DRC1: variants seen among roughly 807,000 people sequenced by gnomAD.
DRC1 encodes dynein regulatory complex protein 1.
Under a neutral mutation model 98.7 loss-of-function variants are expected in DRC1, and 74 were observed. The ratio of observed to expected loss-of-function variants is 0.75; its 90% confidence interval spans 0.62 to 0.91. The LOEUF is 0.91. Among genes scored for constraint, DRC1 ranks in the 40% least tolerant of loss-of-function variants. DRC1 has a pLI of 0.00. For synonymous variants in DRC1, 336 were observed against 334.1 expected (o/e 1.01, Z -0.06); for missense variants, 875 against 886.0 (o/e 0.99, Z 0.16).
Position 26,439,934 on chromosome 2 carries a change from T to TATATATATATAC in DRC1, c.889-441_889-440insTATATATACATA, listed in dbSNP as rs1017038187. The stretch of plus-strand genomic sequence containing the variant: ...CAACTAGTGTGTGAATATATATATA[T>TATATATATATAC]ATACACACACACATACACACACACA... On this transcript the variant is annotated intron_variant, in intron 7 of 16. Coordinates refer to ENST00000288710, the MANE Select transcript of DRC1 (RefSeq NM_145038.5). 5.8e-4 allele frequency among the ~76,000 whole-genome samples: 65 copies of TATATATATATAC among 111,686 alleles called. 5 individuals carry two copies. The highest frequency in any genetic ancestry group is 2.6e-3 in the African/African-American group (64 of 24,480). 73.3% of individuals were successfully genotyped at this position (111,686 alleles called of 152,430 possible).
Position 26,455,185 on chromosome 2 carries a change from G to T in DRC1, c.2118G>T (p.Gln706His), listed in dbSNP as rs367749302. The T allele has an allele frequency of 6.2e-7, 1 of 1,613,994 alleles. No homozygotes were observed. Among genetic ancestry groups the T allele is most frequent in the Non-Finnish European group, 8.5e-7 (1 of 1,180,050 alleles). ...TGCTGGAAAACAGTTCTCTGGAGCA[G>T]CAGAACACAGAGCTGCAGGCGCTAC... is the stretch of plus-strand genomic sequence containing the variant. Reference protein sequence around the residue: ...KLLLENSSLEQQNTELQALLQ... With the variant: ...KLLLENSSLEHQNTELQALLQ... The change falls in exon 16 of 17, where the codon CAG becomes CAT. Residue 706 changes from glutamine (Q) to histidine (H), a missense_variant. Physicochemically the swap from Gln to His is conservative, Grantham distance 24. Coordinates refer to ENST00000288710, the MANE Select transcript of DRC1 (RefSeq NM_145038.5).
intron 4 of DRC1, 24 bp downstream of exon 4, chr2:26,424,478 C>G: frequency 1.3e-6 from 2 of 1,589,420 alleles, no homozygotes; most frequent in African/African-American, 1.3e-5. Context: ...GCCCTCCAGC[C>G]CAGCCACAGG....
chr2:26,418,591 ATAAT>A (rs1265272294), intron 2 of DRC1, among the ~76,000 whole-genome samples: 1 of 102,826 alleles, frequency 9.7e-6, no homozygotes, highest in African/African-American at 4.6e-5. Flanking sequence ...TAAATTATAT[ATAAT>A]TTATATAATA....
intron 10 of DRC1, among the ~76,000 whole-genome samples, chr2:26,447,215 C>A (rs553408619): frequency 2.0e-5 from 3 of 152,106 alleles, no homozygotes; most frequent in Non-Finnish European, 4.4e-5. Context: ...GAGTTTGAGA[C>A]CAGCCTGACC....
rs141191674 is a variant in DRC1 at position 26,455,143 on chromosome 2, C to T, written c.2076C>T (p.Thr692=). ...TALEKYHLVL[T]QRAKLLLENS... is the part of the protein sequence containing the mutation. Reference sequence around the variant, plus strand: ...TTTCTGTCCAAAGCCTTGTCCTGACCCAGAGGGCCAAGCTGCTGCTGGAAA... The same window carrying T: ...TTTCTGTCCAAAGCCTTGTCCTGACTCAGAGGGCCAAGCTGCTGCTGGAAA... Residue 692 remains threonine (T), a synonymous_variant, in exon 16 of 17, where the codon ACC becomes ACT. Coordinates refer to ENST00000288710, the MANE Select transcript of DRC1 (RefSeq NM_145038.5). 6.4e-5 allele frequency: 103 copies of T among 1,614,012 alleles called. No individual in the cohort carries two copies. The African/African-American group carries it at 1.0e-3, about 16-fold the overall frequency.
chr2:26,430,537 T>TCCCTGCCC (rs2147991364), intron 5 of DRC1: 1 of 574,096 alleles, frequency 1.7e-6, no homozygotes, highest in East Asian at 4.1e-5. Context: ...GCCTCTGATA[T>TCCCTGCCC]TGACTAAGCC....
intron 3 of DRC1, among the ~76,000 whole-genome samples, chr2:26,422,820 C>T (rs1445091507): frequency 4.0e-5 from 6 of 151,006 alleles, no homozygotes; most frequent in South Asian, 2.1e-4. Context: ...CTCAGGAGGC[C>T]GAGGCAGGAG....
intron 1 of DRC1, among the ~76,000 whole-genome samples, chr2:26,408,148 A>C (rs1161232746): frequency 6.6e-6 from 1 of 152,182 alleles, no homozygotes; most frequent in Non-Finnish European, 1.5e-5. Context: ...CTAGAAGTGG[A>C]GGTGACAAAG....
chr2:26,431,730 C>T (rs1045207735), intron 6 of DRC1, among the ~76,000 whole-genome samples, 154 bp from the exon 7 acceptor site: 4 of 152,090 alleles, frequency 2.6e-5, no homozygotes, highest in African/African-American at 7.2e-5. Context: ...TCCTAAAAGC[C>T]TTGGGTATTC....
intron 1 of DRC1, among the ~76,000 whole-genome samples, chr2:26,405,198 G>A (rs1336197120): frequency 6.6e-6 from 1 of 152,098 alleles, no homozygotes; most frequent in Non-Finnish European, 1.5e-5. Context: ...GCTTTCTTTG[G>A]TGAGCACCTA....
At chr2:26,417,890 G>T (rs1295577966) in intron 2 of DRC1, among the ~76,000 whole-genome samples, 2 of 152,070 alleles carry the variant, frequency 1.3e-5, no homozygotes, top group South Asian at 2.1e-4. Context: ...GTTACCTGTG[G>T]CTTCTTTTGA....
At chr2:26,404,078 C>T (rs753027024) in intron 1 of DRC1, among the ~76,000 whole-genome samples, 11 of 151,376 alleles carry the variant, frequency 7.3e-5, no homozygotes, top group Non-Finnish European at 1.2e-4. Flanking sequence ...CCAGCCTGGG[C>T]GACAGAGCGA....
At position 26,444,286 on chromosome 2, in the gene DRC1, G is replaced by A. The variant is rs35094910; in HGVS notation, c.1093G>A (p.Glu365Lys). The A allele has an allele frequency of 1.2e-4, 200 of 1,614,166 alleles. No homozygotes were observed. In the African/African-American group the frequency reaches 2.5e-3, roughly 20 times the overall value. The change falls in exon 9 of 17, where the codon GAG becomes AAG. Residue 365 changes from glutamate to lysine, a missense_variant. Coordinates refer to ENST00000288710, the MANE Select transcript of DRC1 (RefSeq NM_145038.5). ...CAAGCAAATAAAGCAGTTTCAGGAG[G>A]AGAACCAGTCTCTAACCTCGGACTA... ...YAKQIKQFQE[E>K]NQSLTSDYKR...
chr2:26,440,360 T>A lies in DRC1; in HGVS notation c.889-18T>A. 1.3e-6 allele frequency: 2 copies of A among 1,589,814 alleles called. No individual in the cohort carries two copies. The highest frequency in any genetic ancestry group is 1.7e-6 in the Non-Finnish European group (2 of 1,168,182). ...GTGTGTGTGTGTATATATATATATA[T>A]AGTTTTTTTAACTTTAGATTCTTGA... On this transcript the variant is annotated intron_variant, in intron 7 of 16. Transcript: ENST00000288710.
At chr2:26,430,955 T>C in intron 6 of DRC1, 83 bp downstream of exon 6, 1 of 875,478 alleles carries the variant, frequency 1.1e-6, no homozygotes, top group East Asian at 2.9e-5. Context: ...AGCCTTTTTC[T>C]ATCTTTTTTT....
At chr2:26,442,133 G>A (rs1241537146) in intron 8 of DRC1, among the ~76,000 whole-genome samples, 1 of 152,214 alleles carries the variant, frequency 6.6e-6, no homozygotes, top group African/African-American at 2.4e-5. Flanking sequence ...GGGAGAGCAA[G>A]CTGGCCTAAG....
chr2:26,453,216 T>C, intron 13 of DRC1, 104 bp from the exon 14 acceptor site: 1 of 1,368,512 alleles, frequency 7.3e-7, no homozygotes, highest in Non-Finnish European at 1.0e-6. Context: ...CTGGGCAAGC[T>C]GTCACTTTCT....
At position 26,414,313 on chromosome 2, in the gene DRC1, A is replaced by T. The variant is rs776589532; in HGVS notation, c.156-31A>T. On this transcript the variant is annotated intron_variant, in intron 1 of 16. Transcript: ENST00000288710. ...ATATAGAATTTACGTATTAGAAATA[A>T]CTTCATTTTCTCTGCTTTTTTCCAT... is the stretch of plus-strand genomic sequence containing the variant. 51 of 1,609,162 alleles carry T rather than the reference A, an allele frequency of 3.2e-5. No homozygotes were observed. In the Middle Eastern group the frequency reaches 8.3e-4, roughly 26 times the overall value.
In DRC1 at chr2:26,456,494, G is replaced by A. The variant is rs35313480; in HGVS notation, c.2200G>A (p.Val734Met). 0.054 allele frequency: 86,526 copies of A among 1,614,084 alleles called. 2,640 individuals are homozygous for A. Among genetic ancestry groups the A allele is most frequent in the Non-Finnish European group, 0.062 (73,687 of 1,179,958 alleles). ...TGAACTGCAAGTTCCTCCCACTCAG[G>A]TGTTGCGGGTACCCACAAAATGAGC... ...NSELQVPPTQ[V>M]LRVPTK Residue 734 changes from valine to methionine, a missense_variant, in exon 17 of 17, where the codon GTG (valine) becomes ATG (methionine). Transcript: ENST00000288710.
Sources: allele counts gnomAD v4.1 joint callset (sites outside exome capture counted in the v4.1 genomes callset), GRCh38; gene constraint gnomAD v4.1.1; transcripts MANE v1.5; gene names NCBI Gene and HGNC (gene_info 2026-07-23, HGNC 2026-07-21).